The following RSU1 variants were observed in gnomAD, a reference collection of about 807,000 sequenced individuals.
RSU1 encodes Ras suppressor protein 1.
Under a neutral mutation model 31.1 loss-of-function variants are expected in RSU1, and 26 were observed. That is an observed-to-expected ratio of 0.84 (90% CI 0.61 to 1.16). The LOEUF is 1.16. Ranked by LOEUF, RSU1 falls within the 50% of genes most tolerant of loss-of-function variation. RSU1 has a pLI of 0.00. For missense variants in RSU1, 320 were observed against 339.1 expected, an observed-to-expected ratio of 0.94 and a Z score of 0.44; for synonymous variants, 164 against 136.3, an observed-to-expected ratio of 1.20 and a Z score of -1.41.
At chr10:16,739,746 G>C (rs1049955380) in intron 7 of RSU1, among the ~76,000 whole-genome samples, 14 of 151,816 alleles carry the variant, frequency 9.2e-5, no homozygotes, top group Admixed American at 2.0e-4. Context: ...CGAGTAGCTG[G>C]GATCACAGGT....
intron 7 of RSU1, among the ~76,000 whole-genome samples, chr10:16,718,857 T>C (rs1265452108): frequency 2.6e-5 from 4 of 151,714 alleles, no homozygotes; most frequent in Non-Finnish European, 5.9e-5. Flanking sequence ...GGCGGACACA[T>C]GTAATCCCAG....
intron 8 of RSU1, among the ~76,000 whole-genome samples, chr10:16,674,635 C>T (rs575996790): frequency 3.5e-4 from 53 of 151,878 alleles, no homozygotes; most frequent in South Asian, 6.3e-4. Context: ...GGGTGGTGGG[C>T]GATGGGGTCC....
At chr10:16,809,640 G>A (rs1185149059) in intron 2 of RSU1, among the ~76,000 whole-genome samples, 1 of 151,998 alleles carries the variant, frequency 6.6e-6, no homozygotes, top group Non-Finnish European at 1.5e-5. Flanking sequence ...CCAAAGAAGA[G>A]GTCTTTACGC....
Position 16,754,881 on chromosome 10 carries a change from G to GA in RSU1, c.389dup (p.Phe131LeufsTer13). On this transcript the variant is annotated frameshift_variant, in exon 5 of 9. Coordinates refer to ENST00000345264, the MANE Select transcript of RSU1 (RefSeq NM_012425.4). LOFTEE classifies it high-confidence loss of function. ...TTGAAAGTTTCTTACTCAGGTAGAA[G>GA]AAGTTTCCAGGAAGAGAATTTTCGC... is the stretch of plus-strand genomic sequence containing the variant. The GA allele has an allele frequency of 1.2e-6, 2 of 1,600,204 alleles. No homozygotes were observed. The highest frequency in any genetic ancestry group is 1.7e-6 in the Non-Finnish European group (2 of 1,168,330).
chr10:16,803,683 TATAATC>T (rs1838207838), intron 2 of RSU1, among the ~76,000 whole-genome samples: 1 of 152,108 alleles, frequency 6.6e-6, no homozygotes, highest in Non-Finnish European at 1.5e-5. Flanking sequence ...CCCACACAAA[TATAATC>T]AGCTAATCTT....
intron 3 of RSU1, among the ~76,000 whole-genome samples, chr10:16,771,892 A>C (rs1297905938): frequency 6.6e-6 from 1 of 152,262 alleles, no homozygotes; most frequent in African/African-American, 2.4e-5. Context: ...AACATAAAAT[A>C]GCAAAGTATC....
At chr10:16,709,470 C>T (rs1361762852) in intron 7 of RSU1, among the ~76,000 whole-genome samples, 1 of 152,144 alleles carries the variant, frequency 6.6e-6, no homozygotes, top group Admixed American at 6.5e-5. Flanking sequence ...GTGCATGTGT[C>T]TTTATAGCAG....
chr10:16,785,801 C>A (rs1321513303), intron 2 of RSU1, among the ~76,000 whole-genome samples: 3 of 151,798 alleles, frequency 2.0e-5, no homozygotes, highest in African/African-American at 7.3e-5. Flanking sequence ...TCACTTTGAT[C>A]GCGTAAGTCT....
At chr10:16,808,081 G>A (rs1838314356) in intron 2 of RSU1, among the ~76,000 whole-genome samples, 1 of 151,118 alleles carries the variant, frequency 6.6e-6, no homozygotes, top group East Asian at 1.9e-4. Context: ...GCAGGCCCTA[G>A]GAGTCACCTC....
At chr10:16,702,130 G>A (rs1380936942) in intron 7 of RSU1, among the ~76,000 whole-genome samples, 2 of 152,228 alleles carry the variant, frequency 1.3e-5, no homozygotes, top group Non-Finnish European at 2.9e-5. Flanking sequence ...GCAAATCCCA[G>A]AGTGAAAGAA....
chr10:16,740,259 T>TA (rs1157602216), intron 7 of RSU1, among the ~76,000 whole-genome samples: 1 of 151,852 alleles, frequency 6.6e-6, no homozygotes, highest in East Asian at 1.9e-4. Context: ...ATACAAAAAA[T>TA]AAAAGCCACA....
At chr10:16,799,961 A>G (rs1455635488) in intron 2 of RSU1, among the ~76,000 whole-genome samples, 2 of 152,160 alleles carry the variant, frequency 1.3e-5, no homozygotes, top group East Asian at 3.9e-4. Context: ...ATGCCTTCTC[A>G]TCAGAAGGGG....
intron 3 of RSU1, among the ~76,000 whole-genome samples, chr10:16,776,040 A>G (rs947000897): frequency 6.6e-6 from 1 of 152,212 alleles, no homozygotes; most frequent in South Asian, 2.1e-4. Context: ...ACTTTTGCAT[A>G]AAGCATGACA....
intron 7 of RSU1, among the ~76,000 whole-genome samples, chr10:16,735,881 G>A (rs1395727582): frequency 6.6e-6 from 1 of 152,098 alleles, no homozygotes; most frequent in Non-Finnish European, 1.5e-5. Flanking sequence ...ATGAGATTTG[G>A]GTGGGGGCAC....
chr10:16,668,456 T>C (rs1835040810), intron 8 of RSU1, among the ~76,000 whole-genome samples: 1 of 152,216 alleles, frequency 6.6e-6, no homozygotes. Context: ...TCGTCTTGGG[T>C]TGGTCATTTA....
At chr10:16,736,089 T>G (rs1402915785) in intron 7 of RSU1, among the ~76,000 whole-genome samples, 1 of 152,106 alleles carries the variant, frequency 6.6e-6, no homozygotes, top group Non-Finnish European at 1.5e-5. Context: ...CTCAAGGAGC[T>G]GGAATTTGTG....
At chr10:16,625,643 C>T (rs530305132) in intron 8 of RSU1, among the ~76,000 whole-genome samples, 2 of 152,282 alleles carry the variant, frequency 1.3e-5, no homozygotes, top group Non-Finnish European at 2.9e-5. Flanking sequence ...CTGTCAGTCT[C>T]AAAAATGTCT....
chr10:16,724,949 A>G (rs1447161949), intron 7 of RSU1, among the ~76,000 whole-genome samples: 1 of 152,236 alleles, frequency 6.6e-6, no homozygotes, highest in Non-Finnish European at 1.5e-5. Flanking sequence ...GTTCATGTAG[A>G]ATCCCAAAAC....
chr10:16,595,660 C>T (rs1227814918), intron 8 of RSU1, among the ~76,000 whole-genome samples: 2 of 152,162 alleles, frequency 1.3e-5, no homozygotes, highest in Non-Finnish European at 2.9e-5. Context: ...CCTGTCCTGA[C>T]CAGCCCGGCT....
Sources: gnomAD v4.1 joint callset for allele counts (sites outside exome capture counted in the v4.1 genomes callset) on GRCh38, gnomAD v4.1.1 for gene constraint, MANE v1.5 for transcripts, NCBI Gene and HGNC (gene_info 2026-07-23, HGNC 2026-07-21) for gene names.